The following PHLPP1 variants were observed in gnomAD, a reference collection of about 807,000 sequenced individuals.
PHLPP1 encodes the protein PH domain leucine-rich repeat-containing protein phosphatase 1.
Under a neutral mutation model 117.2 loss-of-function variants are expected in PHLPP1, and 42 were observed. That is an observed-to-expected ratio of 0.36 (90% CI 0.28 to 0.46). The LOEUF (loss-of-function observed/expected upper bound fraction) is 0.46. Ranked by LOEUF, PHLPP1 falls within the 20% of genes least tolerant of loss-of-function variation. The probability of loss-of-function intolerance (pLI) is 1.00; values close to 1 mark genes in which losing one functional copy is unlikely to be tolerated. For synonymous variants in PHLPP1, 1,042 were observed against 970.7 expected (o/e 1.07, Z -1.37); for missense variants, 2,084 against 2,241.9 (o/e 0.93, Z 1.42).
chr18:62,848,256 C>T (rs991199404), intron 3 of PHLPP1, among the ~76,000 whole-genome samples: 1 of 152,032 alleles, frequency 6.6e-6, no homozygotes, highest in Non-Finnish European at 1.5e-5. Flanking sequence ...TCTTTTGCTC[C>T]CTCAACTTGT....
At chr18:62,849,828 A>ATATATATATATAT (rs1297336371) in intron 3 of PHLPP1, among the ~76,000 whole-genome samples, 4 of 26,122 alleles carry the variant, frequency 1.5e-4, no homozygotes, top group Non-Finnish European at 2.6e-4. Context: ...AAAAAAAAAA[A>ATATATATATATAT]AAAAATATAT....
At chr18:62,894,878 C>T in intron 4 of PHLPP1, 133 bp from the exon 5 acceptor site, 1 of 657,262 alleles carries the variant, frequency 1.5e-6, no homozygotes, top group Non-Finnish European at 2.6e-6. Flanking sequence ...TGCTCCTTAA[C>T]CTCTCTGGGG....
rs947859034 is a variant in PHLPP1 at position 62,835,883 on chromosome 18, C to T, written c.1774-2901C>T. 4.1e-5 allele frequency among the ~76,000 whole-genome samples: 6 copies of T among 147,642 alleles called. No individual in the cohort carries two copies. In the Admixed American group the frequency reaches 4.1e-4, roughly 10 times the overall value. On this transcript the variant is annotated intron_variant, in intron 2 of 16. Transcript: ENST00000262719. ...GCATCCTCCACCTCCCGGGTTCAAG[C>T]GATTCTCCTGCCTCAGCCTCCTGAG... is the stretch of plus-strand genomic sequence containing the variant.
chr18:62,761,506 G>A (rs1316215928), intron 1 of PHLPP1, among the ~76,000 whole-genome samples: 5 of 151,928 alleles, frequency 3.3e-5, no homozygotes, highest in Admixed American at 6.6e-5. Context: ...GGTGGCGGGC[G>A]CTTGTAGTCC....
At chr18:62,966,713 C>T (rs1202812487) in intron 14 of PHLPP1, among the ~76,000 whole-genome samples, 1 of 152,148 alleles carries the variant, frequency 6.6e-6, no homozygotes, top group East Asian at 1.9e-4. Flanking sequence ...TCATGATCCG[C>T]CCGCCTCGGC....
At chr18:62,827,372 ATAGGG>A (rs1388637277) in intron 1 of PHLPP1, among the ~76,000 whole-genome samples, 50 of 152,208 alleles carry the variant, frequency 3.3e-4, no homozygotes, top group African/African-American at 1.2e-3. Flanking sequence ...TTATTAGAGA[ATAGGG>A]CAACTGGAAT....
At chr18:62,740,416 A>G (rs1365550571) in intron 1 of PHLPP1, among the ~76,000 whole-genome samples, 2 of 152,162 alleles carry the variant, frequency 1.3e-5, no homozygotes, top group Non-Finnish European at 2.9e-5. Flanking sequence ...ATAATAACTC[A>G]TGGATTAAAT....
intron 1 of PHLPP1, among the ~76,000 whole-genome samples, chr18:62,794,171 C>A (rs941272111): frequency 2.6e-5 from 4 of 152,038 alleles, no homozygotes; most frequent in Non-Finnish European, 4.4e-5. Flanking sequence ...TATATACCTG[C>A]ACACTTATAT....
At chr18:62,845,803 G>A (rs879353178) in intron 3 of PHLPP1, among the ~76,000 whole-genome samples, 1 of 152,184 alleles carries the variant, frequency 6.6e-6, no homozygotes, top group Non-Finnish European at 1.5e-5. Flanking sequence ...TATCAGTACT[G>A]TTCTACTGAG....
At chr18:62,954,769 A>G (rs146274901) in intron 12 of PHLPP1, among the ~76,000 whole-genome samples, 1 of 152,348 alleles carries the variant, frequency 6.6e-6, no homozygotes, top group African/African-American at 2.4e-5. Flanking sequence ...AATGCTATCT[A>G]TTCTATGCTG....
At chr18:62,727,048 T>C (rs1303976262) in intron 1 of PHLPP1, among the ~76,000 whole-genome samples, 2 of 150,278 alleles carry the variant, frequency 1.3e-5, no homozygotes, top group African/African-American at 4.9e-5. Flanking sequence ...ACCAACATGG[T>C]GAAACCCCAT....
At chr18:62,735,599 AC>A (rs398041433) in intron 1 of PHLPP1, among the ~76,000 whole-genome samples, 5,220 of 151,834 alleles carry the variant, frequency 0.034, 130 homozygotes, top group Non-Finnish European at 0.056. Flanking sequence ...AACAACAACA[AC>A]AACAAAACCA....
rs1910246621 is a variant in PHLPP1, at chr18:62,945,254, C to T, written c.3307C>T (p.Gln1103Ter). The T allele has an allele frequency of 6.2e-7, 1 of 1,603,094 alleles. No individual in the cohort carries two copies. Among genetic ancestry groups the T allele is most frequent in the Non-Finnish European group, 8.5e-7 (1 of 1,176,494 alleles). Residue 1103 changes from glutamine (Q) to a stop codon, truncating the protein, a stop_gained, in exon 12 of 17, where the codon CAG becomes TAG. Transcript: ENST00000262719. LOFTEE classifies it high-confidence loss of function. ...CATCGAGGTCTTTCCCGAAGTTATG[C>T]AGCTCCCAGAGATCAAGGTATGTGG... ...NCIEVFPEVM[Q>*]LPEIKCVDLS... is the part of the protein sequence containing the mutation.
intron 12 of PHLPP1, among the ~76,000 whole-genome samples, chr18:62,946,909 CG>C (rs1163486924): frequency 2.6e-5 from 4 of 151,964 alleles, no homozygotes; most frequent in African/African-American, 4.8e-5. Flanking sequence ...AAAAATTAGC[CG>C]GGCATGGTGG....
At chr18:62,962,117 A>T (rs559571814) in intron 13 of PHLPP1, among the ~76,000 whole-genome samples, 3 of 152,194 alleles carry the variant, frequency 2.0e-5, no homozygotes, top group Admixed American at 1.3e-4. Flanking sequence ...CCTTGTTTAA[A>T]TAATAATGAG....
intron 1 of PHLPP1, among the ~76,000 whole-genome samples, chr18:62,744,242 G>A (rs1057285650): frequency 4.6e-5 from 7 of 152,214 alleles, no homozygotes; most frequent in Admixed American, 2.0e-4. Flanking sequence ...GCGCATGCCC[G>A]CACCTGGTGC....
intron 13 of PHLPP1, among the ~76,000 whole-genome samples, chr18:62,960,960 T>G (rs1910749635): frequency 6.6e-6 from 1 of 152,208 alleles, no homozygotes; most frequent in African/African-American, 2.4e-5. Flanking sequence ...AGGACTCTTC[T>G]GTGAGATTGA....
intron 1 of PHLPP1, among the ~76,000 whole-genome samples, chr18:62,725,084 T>A (rs2122051062): frequency 6.6e-6 from 1 of 152,270 alleles, no homozygotes; most frequent in South Asian, 2.1e-4. Context: ...GTTGGCTGTG[T>A]GCGGTGGCTC....
chr18:62,856,966 T>A (rs1414045330), intron 3 of PHLPP1, among the ~76,000 whole-genome samples: 1 of 152,158 alleles, frequency 6.6e-6, no homozygotes, highest in African/African-American at 2.4e-5. Flanking sequence ...CCAATTTTTT[T>A]AACATATAAT....
Sources: allele counts gnomAD v4.1 joint callset (sites outside exome capture counted in the v4.1 genomes callset), GRCh38; gene constraint gnomAD v4.1.1; transcripts MANE v1.5; gene names NCBI Gene and HGNC (gene_info 2026-07-23, HGNC 2026-07-21).